SV2C: variants seen among roughly 807,000 people sequenced by gnomAD.
SV2C encodes solute carrier family 22 member B3.
A neutral mutation model predicts 79.7 loss-of-function variants in SV2C; 49 were observed. The ratio of observed to expected loss-of-function variants is 0.61; its 90% CI spans 0.49 to 0.78. The LOEUF (loss-of-function observed/expected upper bound fraction) is 0.78, where lower values mean the gene tolerates loss of function less well. Among genes scored for constraint, SV2C ranks in the 30% least tolerant of loss-of-function variants. The pLI, the probability that SV2C is intolerant of heterozygous loss-of-function variation, is 0.00. For synonymous variants in SV2C, 334 were observed against 333.2 expected, an observed-to-expected ratio of 1.00 and a Z score of -0.03; for missense variants, 833 against 912.9, an observed-to-expected ratio of 0.91 and a Z score of 1.13.
At chr5:76,074,050 G>A in the SV2C span, among the ~76,000 whole-genome samples, 1 of 152,216 alleles carries the variant, frequency 6.6e-6, no homozygotes, top group African/African-American at 2.4e-5. Flanking sequence ...GCCAAGGGCA[G>A]AGATGGGTCA....
chr5:76,057,998 G>C, the SV2C span, among the ~76,000 whole-genome samples: 528 of 152,216 alleles, frequency 3.5e-3, 4 homozygotes, highest in Non-Finnish European at 3.2e-3. Flanking sequence ...CTTTATTTTA[G>C]AGGGAACTTT....
chr5:76,280,556 A>G (rs1164766380), intron 4 of SV2C, among the ~76,000 whole-genome samples: 1 of 152,208 alleles, frequency 6.6e-6, no homozygotes, highest in Non-Finnish European at 1.5e-5. Context: ...AAAATTCAAC[A>G]AAATTCCCGA....
chr5:76,305,802 T>A (rs933685603), intron 12 of SV2C, among the ~76,000 whole-genome samples: 14 of 152,210 alleles, frequency 9.2e-5, no homozygotes, highest in African/African-American at 2.9e-4. Flanking sequence ...ACAATTGCAG[T>A]CTTAAACAGA....
the SV2C span, among the ~76,000 whole-genome samples, chr5:76,032,025 G>A: frequency 6.6e-6 from 1 of 152,128 alleles, no homozygotes; most frequent in African/African-American, 2.4e-5. Context: ...ACTAAAATGG[G>A]AAGACTCTAC....
chr5:76,132,051 C>T lies in SV2C; in HGVS notation c.301C>T (p.Gln101Ter). ...GEYQGIPSMN[Q>*]AKDSIVSVGQ... ...GTATCAGGGCATCCCCAGTATGAAC[C>T]AAGCGAAGGACAGCATCGTGTCAGT... The change falls in exon 2 of 13, where the codon CAA becomes TAA. Residue 101 changes from glutamine (Q) to a stop codon, truncating the protein, a stop_gained. Transcript: ENST00000502798. LOFTEE classifies it high-confidence loss of function. 6.2e-7 allele frequency: 1 copy of T among 1,611,590 alleles called. No homozygotes were observed. The highest frequency in any genetic ancestry group is 1.1e-5 in the South Asian group (1 of 90,724).
the SV2C span, among the ~76,000 whole-genome samples, chr5:75,935,466 A>AT: frequency 2.0e-5 from 3 of 152,166 alleles, no homozygotes; most frequent in Non-Finnish European, 1.5e-5. Flanking sequence ...ACGCACAGTG[A>AT]TTTTTTTACA....
At chr5:75,897,010 T>G in the SV2C span, among the ~76,000 whole-genome samples, 39 of 145,192 alleles carry the variant, frequency 2.7e-4, 1 homozygote, top group Non-Finnish European at 5.0e-4. Context: ...TTCTCCCATT[T>G]TGTAGGTTGC....
chr5:75,959,493 T>C, the SV2C span, among the ~76,000 whole-genome samples: 6 of 151,996 alleles, frequency 3.9e-5, no homozygotes, highest in African/African-American at 1.4e-4. Context: ...GACATGGCAT[T>C]GATATTTATT....
At chr5:75,940,193 A>C in the SV2C span, among the ~76,000 whole-genome samples, 2 of 152,050 alleles carry the variant, frequency 1.3e-5, no homozygotes, top group African/African-American at 4.8e-5. Context: ...GCAAAACCTC[A>C]TCTCTACAAA....
chr5:76,279,669 A>G (rs1747124015), intron 4 of SV2C, among the ~76,000 whole-genome samples: 1 of 152,054 alleles, frequency 6.6e-6, no homozygotes, highest in Admixed American at 6.6e-5. Flanking sequence ...ACTGGGGGAG[A>G]AAGTGGAGAC....
chr5:76,136,443 G>C (rs1749071808), intron 2 of SV2C, among the ~76,000 whole-genome samples: 1 of 152,136 alleles, frequency 6.6e-6, no homozygotes, highest in Non-Finnish European at 1.5e-5. Flanking sequence ...ATTCTGATTA[G>C]TATATTGTGA....
the SV2C span, among the ~76,000 whole-genome samples, chr5:75,953,101 T>G: frequency 6.6e-6 from 1 of 151,998 alleles, no homozygotes; most frequent in Non-Finnish European, 1.5e-5. Flanking sequence ...CTCAGGCTGC[T>G]TCTACTCATG....
chr5:75,857,158 C>T, the SV2C span, among the ~76,000 whole-genome samples: 3 of 151,898 alleles, frequency 2.0e-5, no homozygotes, highest in East Asian at 1.9e-4. Flanking sequence ...AGGGTTTCAC[C>T]GTGTTAGCCA....
intron 4 of SV2C, among the ~76,000 whole-genome samples, chr5:76,247,449 T>C (rs1282186899): frequency 6.6e-6 from 1 of 152,262 alleles, no homozygotes; most frequent in African/African-American, 2.4e-5. Flanking sequence ...TTGAAGTGGA[T>C]ACTGTGAAGT....
intron 2 of SV2C, among the ~76,000 whole-genome samples, chr5:76,139,118 C>G (rs976544369): frequency 7.6e-6 from 1 of 131,692 alleles, no homozygotes; most frequent in Non-Finnish European, 1.7e-5. Context: ...GACTCCATCT[C>G]AAAAAAAAAA....
At chr5:76,141,826 A>G (rs1749263217) in intron 2 of SV2C, among the ~76,000 whole-genome samples, 2 of 78,328 alleles carry the variant, frequency 2.6e-5, no homozygotes, top group Admixed American at 1.1e-4. Flanking sequence ...TCCATCTCAA[A>G]AAAAAAAAAA....
At chr5:76,014,028 A>G in the SV2C span, among the ~76,000 whole-genome samples, 1 of 152,058 alleles carries the variant, frequency 6.6e-6, no homozygotes, top group African/African-American at 2.4e-5. Flanking sequence ...ATGTCAAAAA[A>G]TGCAGCACTT....
chr5:76,280,961 T>A (rs1747171358), intron 4 of SV2C: 2 of 536,406 alleles, frequency 3.7e-6, no homozygotes, highest in Non-Finnish European at 7.6e-6. Flanking sequence ...GATGACAGGA[T>A]CCTGGTGATG....
At chr5:75,896,466 T>C in the SV2C span, among the ~76,000 whole-genome samples, 3 of 149,830 alleles carry the variant, frequency 2.0e-5, no homozygotes, top group East Asian at 5.8e-4. Flanking sequence ...TCTATCATTG[T>C]TGGACATTTG....
Sources: allele counts gnomAD v4.1 joint callset (sites outside exome capture counted in the v4.1 genomes callset), GRCh38; gene constraint gnomAD v4.1.1; transcripts MANE v1.5; gene names NCBI Gene and HGNC (gene_info 2026-07-23, HGNC 2026-07-21).